The following DST variants were observed in gnomAD, a reference collection of about 807,000 sequenced individuals.
DST encodes the protein bullous pemphigoid antigen.
In DST, 253 loss-of-function variants were observed where a neutral mutation model predicts 875.2. The ratio of observed to expected loss-of-function variants is 0.29; its 90% CI spans 0.26 to 0.32. The LOEUF is 0.32. DST is among the 10% of genes least tolerant of loss of function. The pLI is 1.00. For synonymous variants in DST, 3,124 were observed against 3,197.1 expected, an observed-to-expected ratio of 0.98 and a Z score of 0.77; for missense variants, 8,287 against 9,111.6, an observed-to-expected ratio of 0.91 and a Z score of 3.68.
At chr6:56,930,878 A>G (rs930704955) in intron 2 of DST, among the ~76,000 whole-genome samples, 1 of 152,256 alleles carries the variant, frequency 6.6e-6, no homozygotes, top group South Asian at 2.1e-4. Context: ...TCACGATTGC[A>G]TGACAAAATC....
chr6:56,905,083 C>T (rs1271953129), intron 2 of DST, among the ~76,000 whole-genome samples: 1 of 152,172 alleles, frequency 6.6e-6, no homozygotes, highest in African/African-American at 2.4e-5. Flanking sequence ...CCACCATGCC[C>T]GGCCAATAAG....
chr6:56,553,710 T>G (rs1191607755), intron 60 of DST, 55 bp from the exon 61 acceptor site: 1 of 1,488,402 alleles, frequency 6.7e-7, no homozygotes, highest in African/African-American at 1.4e-5. Context: ...TAATTTAATC[T>G]ATGAAAAGCC....
In DST at chr6:56,572,318, T is replaced by C. The variant is rs553379563; in HGVS notation, c.13555-52A>G. 4.4e-5 allele frequency: 58 copies of C among 1,314,838 alleles called. No homozygotes were observed. The South Asian group carries it at 8.2e-4, about 19-fold the overall frequency. The allele number at this position is 1,314,838 out of a possible 1,614,324, so 81.4% of individuals were successfully genotyped here. ...ATATAAATGTTGCTAGATCTTCAAA[T>C]GGCATTCCATCCAGAGGTCTGTGCG... On this transcript the variant is annotated intron_variant, in intron 52 of 103. Coordinates refer to ENST00000680361, the MANE Select transcript of DST (RefSeq NM_001374736.1).
intron 78 of DST, among the ~76,000 whole-genome samples, chr6:56,501,996 A>G (rs1177092689): frequency 1.3e-5 from 2 of 152,180 alleles, no homozygotes; most frequent in Non-Finnish European, 2.9e-5. Context: ...ATTCCAATAT[A>G]TGCATTTGAA....
chr6:56,647,688 G>T (rs377317517), intron 13 of DST, among the ~76,000 whole-genome samples: 21 of 126,882 alleles, frequency 1.7e-4, no homozygotes, highest in South Asian at 2.4e-4. Flanking sequence ...TTTTTGTAAT[G>T]TTTTTTTTTT....
chr6:56,658,588 G>A (rs115757438), intron 10 of DST, among the ~76,000 whole-genome samples: 3,770 of 152,288 alleles, frequency 0.025, 72 homozygotes, highest in Non-Finnish European at 0.041. Context: ...TTACCAAAAC[G>A]TATCTATCAG....
chr6:56,784,491 A>G (rs2099700923), intron 4 of DST, among the ~76,000 whole-genome samples: 1 of 152,074 alleles, frequency 6.6e-6, no homozygotes, highest in South Asian at 2.1e-4. Flanking sequence ...TCCATCGCTG[A>G]TACCCTTTCT....
intron 6 of DST, 60 bp from the exon 7 acceptor site, chr6:56,703,806 AAAG>A (rs1179894360): frequency 1.8e-6 from 1 of 544,932 alleles, no homozygotes; most frequent in Non-Finnish European, 2.3e-6. Context: ...CCAGAAATGA[AAAG>A]AAGAGCATGA....
chr6:56,532,588 T>G (rs750244784), intron 63 of DST, 78 bp from the exon 64 acceptor site: 4 of 1,360,452 alleles, frequency 2.9e-6, no homozygotes, highest in African/African-American at 1.5e-5. Context: ...CTAAGTACAT[T>G]TGAAGTATGA....
At chr6:56,842,269 T>G (rs1306590535) in intron 4 of DST, among the ~76,000 whole-genome samples, 2 of 152,228 alleles carry the variant, frequency 1.3e-5, no homozygotes, top group Admixed American at 1.3e-4. Flanking sequence ...CTCTGTGAGC[T>G]GCTCTTGAGT....
intron 10 of DST, among the ~76,000 whole-genome samples, chr6:56,662,946 C>G (rs1197540362): frequency 1.3e-5 from 2 of 151,946 alleles, no homozygotes; most frequent in African/African-American, 4.8e-5. Flanking sequence ...AAGACTCCAT[C>G]TCAAAACAAA....
intron 10 of DST, among the ~76,000 whole-genome samples, chr6:56,668,292 A>G (rs1295789961): frequency 6.6e-6 from 1 of 152,230 alleles, no homozygotes; most frequent in Non-Finnish European, 1.5e-5. Context: ...TACAGCCACT[A>G]AACCTTCACT....
At chr6:56,950,821 C>G (rs988432301) in intron 2 of DST, among the ~76,000 whole-genome samples, 7 of 152,108 alleles carry the variant, frequency 4.6e-5, no homozygotes, top group African/African-American at 1.7e-4. Flanking sequence ...TACTAAAAAG[C>G]TAGTAAAGTT....
In DST at chr6:56,624,560, A is replaced by C; in HGVS notation, c.4899T>G (p.Gly1633=). The change falls in exon 36 of 104, where the codon GGT becomes GGG. Residue 1633 remains glycine, a synonymous_variant. Coordinates refer to ENST00000680361, the MANE Select transcript of DST (RefSeq NM_001374736.1). ...CCTCTTCCAGCCTCTTCAATGAATC[A>C]CCAGCAAATTTAATATATTGTGTCA... ...TLMTQYIKFA[G]DSLKRLEEEE... The C allele has an allele frequency of 6.2e-7, 1 of 1,613,312 alleles. No individual in the cohort carries two copies. Among genetic ancestry groups the C allele is most frequent in the Non-Finnish European group, 8.5e-7 (1 of 1,179,554 alleles).
intron 10 of DST, among the ~76,000 whole-genome samples, chr6:56,666,755 A>G (rs1235359618): frequency 7.1e-6 from 1 of 141,272 alleles, no homozygotes; most frequent in African/African-American, 2.7e-5. Context: ...TTTTTTTTTG[A>G]GACAGGGTCT....
chr6:56,644,687 G>A (rs2098931899), intron 15 of DST, among the ~76,000 whole-genome samples: 1 of 152,200 alleles, frequency 6.6e-6, no homozygotes, highest in African/African-American at 2.4e-5. Flanking sequence ...GGGAACCATG[G>A]AAAGTTTCTC....
intron 61 of DST, among the ~76,000 whole-genome samples, chr6:56,550,874 T>C (rs1047099910): frequency 4.6e-5 from 7 of 152,306 alleles, no homozygotes; most frequent in African/African-American, 1.7e-4. Flanking sequence ...CTCCCAGTCT[T>C]TGATGCAGCA....
intron 9 of DST, among the ~76,000 whole-genome samples, chr6:56,685,994 A>G (rs766171938): frequency 3.3e-4 from 51 of 152,344 alleles, no homozygotes; most frequent in Non-Finnish European, 1.3e-4. Context: ...CTGCACTCGT[A>G]TGTTTATCAC....
chr6:56,679,958 T>G (rs2099149324), intron 9 of DST, among the ~76,000 whole-genome samples: 1 of 152,174 alleles, frequency 6.6e-6, no homozygotes, highest in African/African-American at 2.4e-5. Context: ...TCTTGGAGTT[T>G]AAATCCTTTC....
Sources: allele counts gnomAD v4.1 joint callset (sites outside exome capture counted in the v4.1 genomes callset), GRCh38; gene constraint gnomAD v4.1.1; transcripts MANE v1.5; gene names NCBI Gene and HGNC (gene_info 2026-07-23, HGNC 2026-07-21).